The following ARHGAP32 variants were observed in gnomAD, a reference collection of about 807,000 sequenced individuals.
ARHGAP32 encodes the protein Rho GTPase activating protein 32.
Under a neutral mutation model 186.5 loss-of-function variants are expected in ARHGAP32, and 51 were observed. That is an observed-to-expected ratio of 0.27 (90% CI 0.22 to 0.35). The LOEUF is 0.35. Among genes scored for constraint, ARHGAP32 ranks in the 10% least tolerant of loss-of-function variants. ARHGAP32 has a pLI of 1.00. For missense variants in ARHGAP32, 2,186 were observed against 2,623.5 expected (o/e 0.83, Z 3.64); for synonymous variants, 950 against 964.3 (o/e 0.99, Z 0.27).
At chr11:129,013,737 T>A (rs1938201427) in intron 11 of ARHGAP32, among the ~76,000 whole-genome samples, 1 of 152,230 alleles carries the variant, frequency 6.6e-6, no homozygotes, top group South Asian at 2.1e-4. Flanking sequence ...TTTCTTCCCA[T>A]TTCTTAGACA....
At chr11:129,270,044 A>T (rs915379362) in intron 1 of ARHGAP32, among the ~76,000 whole-genome samples, 3 of 145,298 alleles carry the variant, frequency 2.1e-5, no homozygotes, top group African/African-American at 7.5e-5. Context: ...CTTACTTATT[A>T]AAAAAAAAAA....
At chr11:129,092,716 C>T (rs527977211) in intron 6 of ARHGAP32, among the ~76,000 whole-genome samples, 1 of 152,038 alleles carries the variant, frequency 6.6e-6, no homozygotes, top group South Asian at 2.1e-4. Flanking sequence ...CTAAAAACTT[C>T]AGTATATCAC....
At chr11:129,074,682 AC>A in intron 6 of ARHGAP32, among the ~76,000 whole-genome samples, 1 of 150,980 alleles carries the variant, frequency 6.6e-6, no homozygotes, top group East Asian at 1.9e-4. Context: ...TTTAGTAGAG[AC>A]AGGTTTCACC....
intron 1 of ARHGAP32, among the ~76,000 whole-genome samples, chr11:129,278,510 T>A (rs917560295): frequency 3.9e-5 from 6 of 152,160 alleles, no homozygotes; most frequent in African/African-American, 1.2e-4. Context: ...TAAGAAAATC[T>A]TTAACATAAA....
At chr11:129,004,788 G>A (rs913492027) in intron 11 of ARHGAP32, among the ~76,000 whole-genome samples, 3 of 151,868 alleles carry the variant, frequency 2.0e-5, no homozygotes, top group South Asian at 2.1e-4. Flanking sequence ...TCCTATAGGC[G>A]ACAGGCCACT....
intron 10 of ARHGAP32, among the ~76,000 whole-genome samples, chr11:129,062,076 G>A (rs1253407089): frequency 6.6e-6 from 1 of 151,996 alleles, no homozygotes; most frequent in Non-Finnish European, 1.5e-5. Flanking sequence ...ACCATTTAAA[G>A]ATGAAAAAGG....
chr11:129,026,161 ATGT>A (rs1338181401), intron 11 of ARHGAP32, among the ~76,000 whole-genome samples: 1 of 152,126 alleles, frequency 6.6e-6, no homozygotes, highest in African/African-American at 2.4e-5. Context: ...TATTGTGACC[ATGT>A]TGTTTCCTGG....
chr11:129,037,411 T>C (rs1225330766), intron 11 of ARHGAP32, among the ~76,000 whole-genome samples: 1 of 151,770 alleles, frequency 6.6e-6, no homozygotes, highest in Non-Finnish European at 1.5e-5. Flanking sequence ...GAAAGATGCC[T>C]TGAGCCCAGG....
At chr11:128,992,700 T>G (rs908329121) in intron 12 of ARHGAP32, among the ~76,000 whole-genome samples, 1 of 152,010 alleles carries the variant, frequency 6.6e-6, no homozygotes, top group Non-Finnish European at 1.5e-5. Flanking sequence ...GGCAGGAGAA[T>G]TGCTTGAACC....
chr11:129,183,261 T>G (rs191860819), intron 1 of ARHGAP32, among the ~76,000 whole-genome samples: 2 of 152,246 alleles, frequency 1.3e-5, no homozygotes, highest in African/African-American at 4.8e-5. Context: ...AACATCTAGT[T>G]GCAAAAGTCC....
chr11:129,059,054 A>G (rs1193330996), intron 10 of ARHGAP32, among the ~76,000 whole-genome samples: 1 of 152,202 alleles, frequency 6.6e-6, no homozygotes, highest in Non-Finnish European at 1.5e-5. Flanking sequence ...TAATCTTTAC[A>G]CTATATTTCT....
intron 11 of ARHGAP32, among the ~76,000 whole-genome samples, chr11:129,009,431 C>G (rs1027133811): frequency 1.3e-5 from 2 of 152,120 alleles, no homozygotes; most frequent in African/African-American, 4.8e-5. Context: ...ACAGATCATC[C>G]AATCACCTAG....
rs1253146874 is a variant in ARHGAP32 at position 128,966,218 on chromosome 11, G to A, written c.*2689C>T. On this transcript the variant is annotated 3_prime_UTR_variant, in exon 23 of 23. Transcript: ENST00000682385. ...AAAATGTCAATAGGATTAAATCACGGGTTTAATGTATAAGGCAGCTCCATT... is the reference window on the plus strand; with the variant it reads ...AAAATGTCAATAGGATTAAATCACGAGTTTAATGTATAAGGCAGCTCCATT... 6.6e-6 allele frequency: 1 copy of A among 152,190 alleles called. No homozygotes were observed. The highest frequency in any genetic ancestry group is 1.5e-5 in the Non-Finnish European group (1 of 68,040). 9.4% of individuals were successfully genotyped at this position (152,190 alleles called of 1,614,324 possible). A position where few individuals can be genotyped will look rare whatever the true frequency, so the allele number is the denominator to read the frequency against.
At position 129,062,205 on chromosome 11, in the gene ARHGAP32, T is replaced by C. The variant is rs1195600607; in HGVS notation, c.963+75A>G. 6 of 1,290,424 alleles carry C rather than the reference T, an allele frequency of 4.6e-6. No individual in the cohort carries two copies. In the Admixed American group the frequency reaches 6.9e-5, roughly 15 times the overall value. 79.9% of individuals were successfully genotyped at this position (1,290,424 alleles called of 1,614,324 possible). A position where few individuals can be genotyped will look rare whatever the true frequency, so the allele number is the denominator to read the frequency against. On this transcript the variant is annotated intron_variant, in intron 10 of 22. Coordinates refer to ENST00000682385, the MANE Select transcript of ARHGAP32 (RefSeq NM_001378024.1). ...GATGACAAAGTCCATTACCAGCACA[T>C]GTAAACAAAAGTATTACTGAATCAT...
intron 11 of ARHGAP32, among the ~76,000 whole-genome samples, chr11:129,034,743 A>AAAAG (rs1555076850): frequency 1.3e-5 from 2 of 149,464 alleles, no homozygotes; most frequent in African/African-American, 5.0e-5. Flanking sequence ...AAAAAAAAAA[A>AAAAG]AGAGAGAGAG....
intron 1 of ARHGAP32, among the ~76,000 whole-genome samples, chr11:129,231,855 T>C (rs954991436): frequency 2.6e-5 from 4 of 151,440 alleles, no homozygotes; most frequent in Non-Finnish European, 5.9e-5. Context: ...AGAAGCCCCA[T>C]CTCCATAAAA....
At chr11:129,189,376 T>G (rs1274060468) in intron 1 of ARHGAP32, among the ~76,000 whole-genome samples, 1 of 152,070 alleles carries the variant, frequency 6.6e-6, no homozygotes, top group Non-Finnish European at 1.5e-5. Flanking sequence ...TTTATAGGAG[T>G]GATAAGCAGT....
chr11:128,976,778 ATG>A, intron 19 of ARHGAP32, 144 bp from the exon 20 acceptor site: 1 of 678,542 alleles, frequency 1.5e-6, no homozygotes, highest in South Asian at 1.7e-5. Context: ...CTATTACATA[ATG>A]TGTTATACTG....
At chr11:129,026,592 G>T (rs370850412) in intron 11 of ARHGAP32, among the ~76,000 whole-genome samples, 36 of 151,996 alleles carry the variant, frequency 2.4e-4, no homozygotes, top group East Asian at 2.1e-3. Context: ...TCAGGAGTTT[G>T]AGACCAGCCT....
Sources: allele counts gnomAD v4.1 joint callset (sites outside exome capture counted in the v4.1 genomes callset), GRCh38; gene constraint gnomAD v4.1.1; transcripts MANE v1.5; gene names NCBI Gene and HGNC (gene_info 2026-07-23, HGNC 2026-07-21).